Variants in HRH1 observed in about 807,000 individuals in gnomAD.
HRH1 encodes the protein histamine receptor H1, also known as histamine H1 receptor.
HRH1 carries 6 observed loss-of-function variants against 10.3 expected under a neutral mutation model. The observed-to-expected ratio is 0.58, with a 90% CI of 0.32 to 1.15. The LOEUF (loss-of-function observed/expected upper bound fraction) is 1.15, where lower values mean the gene tolerates loss of function less well. Ranked by LOEUF, HRH1 falls within the 50% of genes most tolerant of loss-of-function variation. HRH1 has a pLI of 0.05. For synonymous variants in HRH1, 242 were observed against 236.7 expected (o/e 1.02, Z -0.21); for missense variants, 514 against 615.3 (o/e 0.84, Z 1.74).
At chr3:11,191,245 C>T (rs552985031) in intron 1 of HRH1, among the ~76,000 whole-genome samples, 12 of 152,312 alleles carry the variant, frequency 7.9e-5, no homozygotes, top group African/African-American at 2.9e-4. Context: ...TATACACTTG[C>T]AGTCAACATA....
At chr3:11,138,352 A>G (rs892749142) in intron 1 of HRH1, among the ~76,000 whole-genome samples, 1 of 151,960 alleles carries the variant, frequency 6.6e-6, no homozygotes, top group African/African-American at 2.4e-5. Flanking sequence ...CTCAACACAC[A>G]CACACAAAAA....
At chr3:11,257,415 C>G (rs548092584) in intron 1 of HRH1, among the ~76,000 whole-genome samples, 2 of 151,920 alleles carry the variant, frequency 1.3e-5, no homozygotes, top group East Asian at 3.9e-4. Context: ...AAAAAAATAG[C>G]CGGGTGTGGT....
chr3:11,143,310 G>A (rs867588319), intron 1 of HRH1, among the ~76,000 whole-genome samples: 5 of 152,182 alleles, frequency 3.3e-5, no homozygotes, highest in Non-Finnish European at 7.3e-5. Flanking sequence ...GAAGGCAAGG[G>A]TCTTGGTTCT....
intron 1 of HRH1, among the ~76,000 whole-genome samples, chr3:11,143,652 T>G (rs11713574): frequency 0.84 from 127,293 of 152,166 alleles, 53,900 homozygotes; most frequent in East Asian, 1. Context: ...CCTTGTAGAG[T>G]AGTAGATGAA....
intron 1 of HRH1, among the ~76,000 whole-genome samples, chr3:11,237,696 G>A (rs1345660627): frequency 1.7e-5 from 1 of 59,630 alleles, no homozygotes; most frequent in East Asian, 6.7e-4. Flanking sequence ...TTTTTTTTGA[G>A]ATGGAGTCTT....
rs547363160 is a variant in HRH1, at chr3:11,209,884, C to A, written c.-35-49119C>A. 3.0e-4 allele frequency among the ~76,000 whole-genome samples: 45 copies of A among 152,304 alleles called. 1 individual carries two copies. In the South Asian group the frequency reaches 9.3e-3, roughly 32 times the overall value. On this transcript the variant is annotated intron_variant, in intron 1 of 1. Transcript: ENST00000431010. ...TAATTGCTTGCTCATCCTTATTCTG[C>A]TGTGCTGCCGAGATAGACCCTGAAC...
At chr3:11,158,129 C>A (rs1161988179) in intron 1 of HRH1, among the ~76,000 whole-genome samples, 2 of 152,214 alleles carry the variant, frequency 1.3e-5, no homozygotes, top group African/African-American at 4.8e-5. Flanking sequence ...TAGCACCCAC[C>A]TTACAGGTTG....
At chr3:11,185,986 C>T (rs1228022907) in intron 1 of HRH1, among the ~76,000 whole-genome samples, 6 of 152,134 alleles carry the variant, frequency 3.9e-5, no homozygotes, top group Non-Finnish European at 7.3e-5. Context: ...TCTGTGGAAG[C>T]CCCGACCTCC....
intron 1 of HRH1, among the ~76,000 whole-genome samples, chr3:11,232,275 G>A (rs900442987): frequency 3.9e-5 from 6 of 152,062 alleles, no homozygotes; most frequent in South Asian, 4.2e-4. Flanking sequence ...CATGAGCCAC[G>A]GTGCCCAGCC....
At chr3:11,234,945 G>T (rs1483329564) in intron 1 of HRH1, among the ~76,000 whole-genome samples, 1 of 152,154 alleles carries the variant, frequency 6.6e-6, no homozygotes, top group African/African-American at 2.4e-5. Flanking sequence ...GCCGGGTACG[G>T]TGGCTCACGC....
chr3:11,180,573 G>A (rs1016926799), intron 1 of HRH1, among the ~76,000 whole-genome samples: 9 of 152,170 alleles, frequency 5.9e-5, no homozygotes, highest in East Asian at 1.9e-4. Flanking sequence ...GACCAGTACC[G>A]GTCCGCAGCC....
rs1368126548 is a variant in HRH1, at chr3:11,260,327, T to G, written c.1290T>G (p.Pro430=). The stretch of plus-strand genomic sequence containing the variant: ...CAGCCTTCATCCTCTGCTGGATCCC[T>G]TATTTCATCTTCTTCATGGTCATTG... ...IMAAFILCWI[P]YFIFFMVIAF... The change falls in exon 2 of 2, where the codon CCT becomes CCG. Residue 430 remains proline (P), a synonymous_variant. Coordinates refer to ENST00000431010, the MANE Select transcript of HRH1 (RefSeq NM_001098212.2). The G allele has an allele frequency of 6.2e-7, 1 of 1,614,218 alleles. No individual in the cohort carries two copies. The highest frequency in any genetic ancestry group is 1.1e-5 in the South Asian group (1 of 91,086).
At chr3:11,225,387 G>A (rs1229945498) in intron 1 of HRH1, among the ~76,000 whole-genome samples, 1 of 152,328 alleles carries the variant, frequency 6.6e-6, no homozygotes, top group East Asian at 1.9e-4. Flanking sequence ...GGCCAGACAC[G>A]GGAAGATATG....
chr3:11,157,835 G>A (rs1488611782), intron 1 of HRH1, among the ~76,000 whole-genome samples: 1 of 152,210 alleles, frequency 6.6e-6, no homozygotes. Context: ...GGTTGAGGAA[G>A]CTGCCCCCAG....
At chr3:11,199,845 G>T (rs1232041105) in intron 1 of HRH1, among the ~76,000 whole-genome samples, 1 of 152,174 alleles carries the variant, frequency 6.6e-6, no homozygotes, top group African/African-American at 2.4e-5. Flanking sequence ...TCATATGATA[G>T]TCACAGTTGG....
intron 1 of HRH1, among the ~76,000 whole-genome samples, chr3:11,170,502 G>A (rs1348641746): frequency 6.6e-6 from 1 of 152,256 alleles, no homozygotes; most frequent in Admixed American, 6.5e-5. Flanking sequence ...CCGGCGGCCT[G>A]GTGGGGAAGG....
chr3:11,171,641 G>C (rs986475655), intron 1 of HRH1, among the ~76,000 whole-genome samples: 1 of 152,216 alleles, frequency 6.6e-6, no homozygotes, highest in South Asian at 2.1e-4. Context: ...TCAGACATCT[G>C]CCTCTGGCAT....
intron 1 of HRH1, among the ~76,000 whole-genome samples, chr3:11,224,168 C>T (rs2125041340): frequency 6.6e-6 from 1 of 152,304 alleles, no homozygotes; most frequent in Non-Finnish European, 1.5e-5. Context: ...TACCATGTGC[C>T]AAGCAGTTCT....
Position 11,260,267 on chromosome 3 carries a change from A to G in HRH1, c.1230A>G (p.Glu410=), listed in dbSNP as rs745617191. The change falls in exon 2 of 2, where the codon GAA becomes GAG. Residue 410 remains glutamate, a synonymous_variant. Transcript: ENST00000431010. ...TATCTGGGTTGCACATGAACCGCGA[A>G]AGGAAGGCCGCCAAACAGTTGGGTT... ...QYVSGLHMNR[E]RKAAKQLGFI... 6.2e-7 allele frequency: 1 copy of G among 1,614,198 alleles called. No homozygotes were observed. The highest frequency in any genetic ancestry group is 8.5e-7 in the Non-Finnish European group (1 of 1,180,030).
Sources: gnomAD v4.1 joint callset for allele counts (sites outside exome capture counted in the v4.1 genomes callset) on GRCh38, gnomAD v4.1.1 for gene constraint, MANE v1.5 for transcripts, NCBI Gene and HGNC (gene_info 2026-07-23, HGNC 2026-07-21) for gene names.